The following SYT14 variants were observed in gnomAD, a reference collection of about 807,000 sequenced individuals.
SYT14 encodes the protein synaptotagmin-14.
In SYT14, 32 loss-of-function variants were observed where a neutral mutation model predicts 74.2. That is an observed-to-expected ratio of 0.43 (90% CI 0.33 to 0.58). SYT14 has a LOEUF of 0.58. SYT14 is among the 20% of genes least tolerant of loss of function. SYT14 has a pLI of 0.05. For missense variants in SYT14, 791 were observed against 981.8 expected (o/e 0.81, Z 2.60); for synonymous variants, 298 against 337.7 (o/e 0.88, Z 1.29).
chr1:210,131,718 G>A (rs1048446442), intron 7 of SYT14, among the ~76,000 whole-genome samples: 2 of 152,074 alleles, frequency 1.3e-5, no homozygotes, highest in African/African-American at 4.8e-5. Context: ...ATAGTGAAAA[G>A]CATGGCTTCT....
intron 5 of SYT14, among the ~76,000 whole-genome samples, chr1:210,082,929 A>G (rs1572268252): frequency 6.6e-6 from 1 of 152,294 alleles, no homozygotes; most frequent in East Asian, 1.9e-4. Context: ...TTGTACTGGT[A>G]GAAAGTTGGT....
At chr1:210,017,910 C>G (rs1311890525) in intron 4 of SYT14, among the ~76,000 whole-genome samples, 7 of 152,112 alleles carry the variant, frequency 4.6e-5, no homozygotes, top group Non-Finnish European at 1.0e-4. Flanking sequence ...TGGAATTTTT[C>G]TCTAAGTTCA....
At chr1:210,029,176 T>G (rs2080475324) in intron 5 of SYT14, among the ~76,000 whole-genome samples, 1 of 152,216 alleles carries the variant, frequency 6.6e-6, no homozygotes, top group African/African-American at 2.4e-5. Context: ...TATTAATCTC[T>G]TATCAGATAT....
At chr1:210,095,311 T>C (rs1052413974) in intron 6 of SYT14, among the ~76,000 whole-genome samples, 1 of 152,244 alleles carries the variant, frequency 6.6e-6, no homozygotes, top group East Asian at 1.9e-4. Context: ...AGTCTGTCTC[T>C]GTCACTCAGA....
intron 2 of SYT14, among the ~76,000 whole-genome samples, chr1:209,974,185 T>C (rs1045787092): frequency 2.6e-5 from 4 of 152,182 alleles, no homozygotes; most frequent in Non-Finnish European, 4.4e-5. Flanking sequence ...GATGGTAGTT[T>C]CTTTTGCTGT....
chr1:210,153,413 G>A (rs888191341), intron 7 of SYT14, among the ~76,000 whole-genome samples: 4 of 152,110 alleles, frequency 2.6e-5, no homozygotes, highest in African/African-American at 9.7e-5. Context: ...ACAAAATTGA[G>A]CTAATACAGT....
In SYT14 at chr1:210,053,321, C is replaced by T. The variant is rs146109439; in HGVS notation, c.1312+32067C>T. Among the ~76,000 whole-genome samples the T allele has an allele frequency of 3.0e-3, 459 of 152,242 alleles. 1 individual carries two copies. Among genetic ancestry groups the T allele is most frequent in the Non-Finnish European group, 4.9e-3 (336 of 68,004 alleles). On this transcript the variant is annotated intron_variant, in intron 5 of 9. Transcript: ENST00000637265. The stretch of plus-strand genomic sequence containing the variant: ...GTCTTTCTGCCAAGTTGAGAAGCAA[C>T]AGGTGGTTTGTGTGCTGAAGTAATA...
intron 7 of SYT14, among the ~76,000 whole-genome samples, chr1:210,131,396 T>A (rs978051972): frequency 3.3e-5 from 5 of 152,136 alleles, no homozygotes; most frequent in Non-Finnish European, 5.9e-5. Flanking sequence ...GTAGAACTTG[T>A]TATAAAATAT....
At chr1:210,141,460 A>G (rs905749479) in intron 7 of SYT14, among the ~76,000 whole-genome samples, 3 of 152,206 alleles carry the variant, frequency 2.0e-5, no homozygotes, top group Admixed American at 6.5e-5. Context: ...GATTTACTGC[A>G]TAGGAGATCA....
chr1:210,151,851 T>G (rs1415442385), intron 7 of SYT14, among the ~76,000 whole-genome samples: 1 of 152,174 alleles, frequency 6.6e-6, no homozygotes, highest in Non-Finnish European at 1.5e-5. Context: ...AGTGTTTTCC[T>G]TAAGATTGAG....
At chr1:210,088,665 A>AT (rs2081794080) in intron 5 of SYT14, among the ~76,000 whole-genome samples, 1 of 152,026 alleles carries the variant, frequency 6.6e-6, no homozygotes, top group Admixed American at 6.5e-5. Context: ...ATAAAAAAGA[A>AT]TGAGTTCATG....
chr1:209,981,272 T>C (rs912420842), intron 2 of SYT14, among the ~76,000 whole-genome samples: 1 of 152,160 alleles, frequency 6.6e-6, no homozygotes, highest in Admixed American at 6.6e-5. Flanking sequence ...TTCATTTCCA[T>C]GTTTAGAATT....
chr1:210,117,779 A>G (rs2082388144), intron 7 of SYT14, among the ~76,000 whole-genome samples: 1 of 152,220 alleles, frequency 6.6e-6, no homozygotes, highest in African/African-American at 2.4e-5. Context: ...TTGTAGGAAA[A>G]AAGTCAGGTT....
intron 2 of SYT14, among the ~76,000 whole-genome samples, chr1:209,965,228 C>A (rs2102729066): frequency 6.6e-6 from 1 of 152,294 alleles, no homozygotes; most frequent in East Asian, 1.9e-4. Context: ...CCCTTTTCCC[C>A]CTCCCTTTCT....
chr1:210,135,185 T>C (rs2082758773), intron 7 of SYT14, among the ~76,000 whole-genome samples: 1 of 152,184 alleles, frequency 6.6e-6, no homozygotes, highest in Non-Finnish European at 1.5e-5. Context: ...TTTTGCCATG[T>C]TGGCCAGTTT....
intron 5 of SYT14, among the ~76,000 whole-genome samples, chr1:210,093,548 T>C (rs1376646571): frequency 6.6e-6 from 1 of 152,190 alleles, no homozygotes; most frequent in Non-Finnish European, 1.5e-5. Flanking sequence ...GAGGTAAAAA[T>C]TAAAAGGATA....
At chr1:209,958,980 A>T (rs2079034033) in intron 2 of SYT14, among the ~76,000 whole-genome samples, 1 of 152,198 alleles carries the variant, frequency 6.6e-6, no homozygotes, top group African/African-American at 2.4e-5. Context: ...AAAATGGTAC[A>T]GCAACTTTAG....
Position 210,088,597 on chromosome 1 carries a change from A to G in SYT14, c.1313-5725A>G, listed in dbSNP as rs899425573. On this transcript the variant is annotated intron_variant, in intron 5 of 9. Coordinates refer to ENST00000637265, the Ensembl canonical transcript of SYT14. ...CTTGGAACCAACCCAAATGCCCATC[A>G]ATGTTAGACTGGATAAAGAAAATGT... Among the ~76,000 whole-genome samples the G allele has an allele frequency of 1.3e-5, 2 of 152,110 alleles. 1 individual carries two copies. The highest frequency in any genetic ancestry group is 2.9e-5 in the Non-Finnish European group (2 of 67,984).
At chr1:210,149,013 GTAT>G (rs1283980787) in intron 7 of SYT14, among the ~76,000 whole-genome samples, 2 of 151,818 alleles carry the variant, frequency 1.3e-5, no homozygotes, top group Non-Finnish European at 2.9e-5. Context: ...CTTCAAATAG[GTAT>G]TATTTCAGGA....
Sources: allele counts gnomAD v4.1 joint callset (sites outside exome capture counted in the v4.1 genomes callset), GRCh38; gene constraint gnomAD v4.1.1; transcripts MANE v1.5; gene names NCBI Gene and HGNC (gene_info 2026-07-23, HGNC 2026-07-21).